The following KCNQ5 variants were observed in gnomAD, a reference collection of about 807,000 sequenced individuals.
KCNQ5 encodes the protein potassium voltage-gated channel subfamily KQT member 5.
A neutral mutation model predicts 98.2 loss-of-function variants in KCNQ5; 30 were observed. That is an observed-to-expected ratio of 0.31 (90% CI 0.23 to 0.41). The LOEUF (loss-of-function observed/expected upper bound fraction) is 0.41, where lower values mean the gene tolerates loss of function less well. Among genes scored for constraint, KCNQ5 ranks in the 10% least tolerant of loss-of-function variants. KCNQ5 has a pLI of 1.00. For synonymous variants in KCNQ5, 458 were observed against 449.4 expected, an observed-to-expected ratio of 1.02 and a Z score of -0.24; for missense variants, 835 against 1,182.5, an observed-to-expected ratio of 0.71 and a Z score of 4.31.
intron 1 of KCNQ5, among the ~76,000 whole-genome samples, chr6:72,716,549 C>A (rs1157008075): frequency 6.6e-6 from 1 of 152,164 alleles, no homozygotes; most frequent in Non-Finnish European, 1.5e-5. Context: ...TCAGGAGAAG[C>A]TTTACTTTTT....
chr6:72,833,840 T>C (rs949508294), intron 1 of KCNQ5, among the ~76,000 whole-genome samples: 1 of 152,152 alleles, frequency 6.6e-6, no homozygotes, highest in East Asian at 1.9e-4. Flanking sequence ...ATTTATATGA[T>C]GGAATAACTA....
At chr6:72,904,594 G>A (rs1478090344) in intron 1 of KCNQ5, among the ~76,000 whole-genome samples, 1 of 152,076 alleles carries the variant, frequency 6.6e-6, no homozygotes, top group African/African-American at 2.4e-5. Context: ...TTGTTTTTCT[G>A]AAAAAGACGA....
intron 5 of KCNQ5, among the ~76,000 whole-genome samples, chr6:73,079,071 G>A (rs772414423): frequency 6.6e-6 from 1 of 152,112 alleles, no homozygotes; most frequent in Non-Finnish European, 1.5e-5. Context: ...GGAGGCTAAG[G>A]CGGGCCAGTT....
intron 1 of KCNQ5, among the ~76,000 whole-genome samples, chr6:72,786,777 C>T (rs1274586122): frequency 7.9e-5 from 12 of 151,932 alleles, no homozygotes; most frequent in Non-Finnish European, 1.3e-4. Context: ...GAGGCAGAGG[C>T]GGGCGGATCA....
intron 1 of KCNQ5, among the ~76,000 whole-genome samples, chr6:72,812,410 C>T (rs959131671): frequency 6.6e-6 from 1 of 152,162 alleles, no homozygotes; most frequent in African/African-American, 2.4e-5. Flanking sequence ...GTGCTCCAAT[C>T]ATGTTTATTG....
intron 2 of KCNQ5, among the ~76,000 whole-genome samples, chr6:73,041,557 CA>C (rs1771704560): frequency 6.6e-6 from 1 of 152,078 alleles, no homozygotes. Context: ...TAAAACTTGC[CA>C]TTATATTTCA....
chr6:73,013,919 A>G (rs1281982373), intron 2 of KCNQ5, among the ~76,000 whole-genome samples: 1 of 152,176 alleles, frequency 6.6e-6, no homozygotes, highest in Non-Finnish European at 1.5e-5. Flanking sequence ...ATATCAATTC[A>G]GACCACTAGA....
rs570319876 is a variant in KCNQ5 at position 72,835,265 on chromosome 6, G to A, written c.399-168643G>A. On this transcript the variant is annotated intron_variant, in intron 1 of 13. Coordinates refer to ENST00000370398, the MANE Select transcript of KCNQ5 (RefSeq NM_019842.4). ...CTCAGGATTTTCATCAACATTACACGCTCAATTAATCTGAATTAATACCCA... is the reference window on the plus strand; with the variant it reads ...CTCAGGATTTTCATCAACATTACACACTCAATTAATCTGAATTAATACCCA... 1.8e-4 allele frequency among the ~76,000 whole-genome samples: 27 copies of A among 152,052 alleles called. No individual in the cohort carries two copies. In the South Asian group the frequency reaches 5.2e-3, roughly 29 times the overall value.
chr6:72,745,268 C>T (rs1409168053), intron 1 of KCNQ5, among the ~76,000 whole-genome samples: 2 of 152,196 alleles, frequency 1.3e-5, no homozygotes, highest in Non-Finnish European at 2.9e-5. Context: ...AAATTATTGG[C>T]TCCTTCGTAC....
chr6:72,944,876 T>A (rs557315419), intron 1 of KCNQ5, among the ~76,000 whole-genome samples: 191 of 152,320 alleles, frequency 1.3e-3, no homozygotes, highest in Admixed American at 2.0e-3. Flanking sequence ...AGTGGATGTT[T>A]CACAAGTCAC....
At chr6:72,881,982 C>T (rs1204472914) in intron 1 of KCNQ5, among the ~76,000 whole-genome samples, 1 of 152,200 alleles carries the variant, frequency 6.6e-6, no homozygotes, top group Non-Finnish European at 1.5e-5. Flanking sequence ...TGAGCCACCA[C>T]ACCCGGCTGT....
intron 1 of KCNQ5, among the ~76,000 whole-genome samples, chr6:72,628,221 A>G (rs954168909): frequency 2.0e-5 from 3 of 152,208 alleles, no homozygotes; most frequent in Non-Finnish European, 4.4e-5. Flanking sequence ...AAGAACTACC[A>G]AGTCTTTTCA....
chr6:72,906,903 T>C (rs924651816), intron 1 of KCNQ5, among the ~76,000 whole-genome samples: 1 of 152,228 alleles, frequency 6.6e-6, no homozygotes, highest in Non-Finnish European at 1.5e-5. Context: ...GGCTGCAGTC[T>C]AGTTCTGCCT....
Position 72,622,478 on chromosome 6 carries a change from A to T in KCNQ5, c.289A>T (p.Thr97Ser). Residue 97 changes from threonine (T) to serine (S), a missense_variant, in exon 1 of 14, where the codon ACG becomes TCG. Thr to Ser is a moderately conservative substitution (Grantham distance 58). Transcript: ENST00000370398. The surrounding 1 kb of genome is among the most constrained non-coding windows in gnomAD (Gnocchi z 6.0). Reference sequence around the variant, plus strand: ...CCTGCTGGGGAAGCCGCTCTCTTACACGAGTAGCCAGAGCTGCCGGCGCAA... The same window carrying T: ...CCTGCTGGGGAAGCCGCTCTCTTACTCGAGTAGCCAGAGCTGCCGGCGCAA... ...MSLLGKPLSY[T>S]SSQSCRRNVK... is the part of the protein sequence containing the mutation. 1 of 1,606,286 alleles carries T rather than the reference A, an allele frequency of 6.2e-7. No individual in the cohort carries two copies. Among genetic ancestry groups the T allele is most frequent in the Non-Finnish European group, 8.5e-7 (1 of 1,176,774 alleles).
chr6:73,120,876 C>T lies in KCNQ5; in HGVS notation c.1220+299C>T, dbSNP rs1053660668. On this transcript the variant is annotated intron_variant, in intron 8 of 13. Transcript: ENST00000370398. ...CTCATTTCGTAAAGCCCACCAGCAT[C>T]CTAAAGGTAAGCACCACAGTTCTTG... Among the ~76,000 whole-genome samples, 34 of 152,146 alleles carry T rather than the reference C, an allele frequency of 2.2e-4. 1 individual carries two copies. The highest frequency in any genetic ancestry group is 2.1e-3 in the Admixed American group (32 of 15,278).
intron 8 of KCNQ5, among the ~76,000 whole-genome samples, chr6:73,122,437 T>C (rs1775784880): frequency 6.6e-6 from 1 of 152,228 alleles, no homozygotes; most frequent in Non-Finnish European, 1.5e-5. Flanking sequence ...TCTGATATTT[T>C]CCCTGTCTTA....
chr6:72,627,193 A>C (rs1173736582), intron 1 of KCNQ5, among the ~76,000 whole-genome samples: 1 of 152,234 alleles, frequency 6.6e-6, no homozygotes, highest in Non-Finnish European at 1.5e-5. Context: ...GTTTAATCTA[A>C]ATATGTAACC....
chr6:72,622,647 G>A lies in KCNQ5; in HGVS notation c.398+60G>A. ...GGGGACCACTGTCCCTGGCCCCCTG[G>A]GGCGTGCTCCGCGCTCGCGCCCTTG... On this transcript the variant is annotated intron_variant, in intron 1 of 13. Transcript: ENST00000370398. The surrounding 1 kb of genome is among the most constrained non-coding windows in gnomAD (Gnocchi z 6.0). The A allele has an allele frequency of 2.5e-6, 4 of 1,582,002 alleles. No homozygotes were observed. The highest frequency in any genetic ancestry group is 3.4e-6 in the Non-Finnish European group (4 of 1,164,042).
chr6:73,104,065 G>A (rs189146796), intron 5 of KCNQ5, among the ~76,000 whole-genome samples: 120 of 151,980 alleles, frequency 7.9e-4, no homozygotes, highest in African/African-American at 2.8e-3. Flanking sequence ...GCTCACTTTT[G>A]CCACTTCTAT....
Sources: gnomAD v4.1 joint callset for allele counts (sites outside exome capture counted in the v4.1 genomes callset) on GRCh38, gnomAD v4.1.1 for gene constraint, Gnocchi (gnomAD v3.1) non-coding constraint, MANE v1.5 for transcripts, NCBI Gene and HGNC (gene_info 2026-07-23, HGNC 2026-07-21) for gene names.